CUX1: variants seen among roughly 807,000 people sequenced by gnomAD.
CUX1 encodes the protein cut like homeobox 1.
Under a neutral mutation model 158.8 loss-of-function variants are expected in CUX1, and 31 were observed. That is an observed-to-expected ratio of 0.20 (90% CI 0.15 to 0.26). The LOEUF (loss-of-function observed/expected upper bound fraction) is 0.26. Among genes scored for constraint, CUX1 ranks in the 10% least tolerant of loss-of-function variants. The pLI is 1.00. For synonymous variants in CUX1, 879 were observed against 862.1 expected (o/e 1.02, Z -0.34); for missense variants, 1,589 against 2,014.6 (o/e 0.79, Z 4.04).
chr7:102,158,516 G>C, intron 8 of CUX1, 44 bp from the exon 9 acceptor site: 3 of 1,606,894 alleles, frequency 1.9e-6, no homozygotes, highest in Non-Finnish European at 2.6e-6. Context: ...CCCCTGAGCC[G>C]GTCTCCTTGT....
intron 2 of CUX1, among the ~76,000 whole-genome samples, chr7:102,026,784 C>T (rs1017359377): frequency 4.3e-5 from 6 of 140,410 alleles, no homozygotes; most frequent in African/African-American, 5.4e-5. Flanking sequence ...CTCGCCACTG[C>T]ACTCCAGCCT....
rs1167515041 is a variant in CUX1, at chr7:102,277,875, C to T, written c.1564-74C>T. On this transcript the variant is annotated intron_variant, in intron 17 of 22. Transcript: ENST00000292538. ...AAGGCTGTGGGCACAGAAGGGGCTC[C>T]AGGTAGACGGAGCAGCACCTGTGCC... is the stretch of plus-strand genomic sequence containing the variant. 4 of 906,266 alleles carry T rather than the reference C, an allele frequency of 4.4e-6. No individual in the cohort carries two copies. In the East Asian group the frequency reaches 1.2e-4, roughly 27 times the overall value. The allele number at this position is 906,266 out of a possible 1,614,324, so 56.1% of individuals were successfully genotyped here.
chr7:102,032,716 T>C (rs1242215265), intron 3 of CUX1, among the ~76,000 whole-genome samples: 2 of 152,238 alleles, frequency 1.3e-5, no homozygotes, highest in African/African-American at 4.8e-5. Flanking sequence ...GATAATGAAA[T>C]GATTACTTAT....
Position 102,253,344 on chromosome 7 carries a change from AAG to A in CUX1, c.*4306_*4307del, listed in dbSNP as rs1801725553. On this transcript the variant is annotated 3_prime_UTR_variant, in exon 24 of 24. Transcript: ENST00000292535. Reference sequence around the variant, plus strand: ...TCATGACCAGTTTACACAGGCTGCAAAGAGATCGCTGTGGGCCTCGGCTGACT... The same window carrying A: ...TCATGACCAGTTTACACAGGCTGCAAAGATCGCTGTGGGCCTCGGCTGACT... 3 of 985,332 alleles carry A rather than the reference AAG, an allele frequency of 3.0e-6. No homozygotes were observed. The highest frequency in any genetic ancestry group is 1.2e-4 in the Admixed American group (2 of 16,266). 61.0% of individuals were successfully genotyped at this position (985,332 alleles called of 1,614,324 possible).
chr7:101,998,562 GAGA>G (rs1299094806), intron 2 of CUX1, among the ~76,000 whole-genome samples: 1 of 152,236 alleles, frequency 6.6e-6, no homozygotes, highest in Non-Finnish European at 1.5e-5. Flanking sequence ...CTGTTTGGGG[GAGA>G]AGTAGTATTT....
At chr7:102,064,591 T>G (rs1334169747) in intron 3 of CUX1, among the ~76,000 whole-genome samples, 2 of 152,238 alleles carry the variant, frequency 1.3e-5, no homozygotes, top group Admixed American at 6.5e-5. Context: ...GGCGGGTGTG[T>G]GGGGGGCATG....
chr7:102,069,931 C>T (rs1320903159), intron 3 of CUX1, among the ~76,000 whole-genome samples: 2 of 152,218 alleles, frequency 1.3e-5, no homozygotes, highest in Non-Finnish European at 2.9e-5. Context: ...TTGTTAATTA[C>T]ATACCTGTTT....
intron 3 of CUX1, among the ~76,000 whole-genome samples, chr7:102,060,133 CT>C (rs892929348): frequency 4.6e-5 from 7 of 151,808 alleles, no homozygotes; most frequent in African/African-American, 1.7e-4. Flanking sequence ...AAAAAAGTAG[CT>C]GGGCGTGGTA....
chr7:101,944,985 A>G (rs1808202049), intron 2 of CUX1, among the ~76,000 whole-genome samples: 1 of 152,190 alleles, frequency 6.6e-6, no homozygotes, highest in Non-Finnish European at 1.5e-5. Context: ...GTTAACACCA[A>G]ATGCCACGAG....
chr7:102,108,987 C>A (rs1830638816), intron 6 of CUX1, among the ~76,000 whole-genome samples: 2 of 152,140 alleles, frequency 1.3e-5, no homozygotes, highest in African/African-American at 2.4e-5. Flanking sequence ...CTCCTGACCA[C>A]AAGTGACCTG....
chr7:101,864,064 TG>T (rs2131383712), intron 1 of CUX1, among the ~76,000 whole-genome samples: 1 of 152,314 alleles, frequency 6.6e-6, no homozygotes, highest in East Asian at 1.9e-4. Context: ...TACCCAAAAG[TG>T]GAATTCTGTT....
intron 15 of CUX1, among the ~76,000 whole-genome samples, chr7:102,197,625 G>A (rs1013243258): frequency 3.3e-5 from 5 of 152,096 alleles, no homozygotes; most frequent in Non-Finnish European, 5.9e-5. Context: ...TAGTGGCCGC[G>A]GGTCCAATTG....
chr7:101,900,898 A>G (rs1266873694), intron 1 of CUX1, among the ~76,000 whole-genome samples: 1 of 152,238 alleles, frequency 6.6e-6, no homozygotes, highest in Non-Finnish European at 1.5e-5. Flanking sequence ...AAAGGAGCTA[A>G]TGTGTGTAAG....
At chr7:102,189,366 G>T (rs1261658921) in intron 11 of CUX1, among the ~76,000 whole-genome samples, 3 of 59,242 alleles carry the variant, frequency 5.1e-5, no homozygotes, top group Non-Finnish European at 8.6e-5. Context: ...TTTTGGGTGC[G>T]GGGGGGGATG....
chr7:101,927,075 T>A (rs925320597), intron 2 of CUX1, among the ~76,000 whole-genome samples: 4 of 151,996 alleles, frequency 2.6e-5, no homozygotes, highest in African/African-American at 7.2e-5. Flanking sequence ...TGGGCGAAGG[T>A]ACTTTGGGGA....
chr7:102,280,144 G>C, intron 19 of CUX1: 1 of 1,513,208 alleles, frequency 6.6e-7, no homozygotes, highest in South Asian at 1.1e-5. Flanking sequence ...GCCTGGGCAG[G>C]GGAGGGGAGG....
rs143243373 is a variant in CUX1 at position 102,091,961 on chromosome 7, G to A, written c.269-5403G>A. ...CCTGGGGACAGAGTTTCACCGTATT[G>A]GCCAGGCTGGTCTCAAACTCCTGAC... On this transcript the variant is annotated intron_variant, in intron 4 of 23. Coordinates refer to ENST00000292535, the MANE Select transcript of CUX1 (RefSeq NM_181552.4). Among the ~76,000 whole-genome samples, 202 of 152,180 alleles carry A rather than the reference G, an allele frequency of 1.3e-3. 1 individual carries two copies. The highest frequency in any genetic ancestry group is 4.8e-3 in the African/African-American group (198 of 41,524).
chr7:102,219,957 G>A (rs1007450794), intron 20 of CUX1, among the ~76,000 whole-genome samples: 2 of 152,204 alleles, frequency 1.3e-5, no homozygotes, highest in Non-Finnish European at 1.5e-5. Context: ...GCCCAGCGTC[G>A]CTGCCATGGT....
intron 1 of CUX1, among the ~76,000 whole-genome samples, chr7:101,829,575 A>T: frequency 6.7e-6 from 1 of 149,168 alleles, no homozygotes; most frequent in Admixed American, 6.8e-5. Context: ...CAGCCGAAGC[A>T]GTGGGGTCAT....
Sources: gnomAD v4.1 joint callset for allele counts (sites outside exome capture counted in the v4.1 genomes callset) on GRCh38, gnomAD v4.1.1 for gene constraint, MANE v1.5 for transcripts, NCBI Gene and HGNC (gene_info 2026-07-23, HGNC 2026-07-21) for gene names.